The following TMEFF1 variants were observed in gnomAD, a reference collection of about 807,000 sequenced individuals.
TMEFF1 encodes transmembrane protein with EGF like and two follistatin like domains 1, also known as tomoregulin-1.
TMEFF1 carries 20 observed loss-of-function variants against 47.5 expected under a neutral mutation model. That is an observed-to-expected ratio of 0.42 (90% CI 0.30 to 0.61). The LOEUF is 0.61. Among genes scored for constraint, TMEFF1 ranks in the 20% least tolerant of loss-of-function variants. TMEFF1 has a pLI of 0.19. For missense variants in TMEFF1, 411 were observed against 471.1 expected (o/e 0.87, Z 1.18); for synonymous variants, 162 against 166.3 (o/e 0.97, Z 0.20).
intron 5 of TMEFF1, 90 bp downstream of exon 5, chr9:100,516,861 G>A (rs1382021518): frequency 6.9e-7 from 1 of 1,445,818 alleles, no homozygotes; most frequent in Non-Finnish European, 9.1e-7. Flanking sequence ...ACCTGGTTCT[G>A]TATCTTTTGT....
chr9:100,548,851 A>G (rs1018813907), intron 6 of TMEFF1, among the ~76,000 whole-genome samples: 4 of 152,164 alleles, frequency 2.6e-5, no homozygotes, highest in African/African-American at 9.7e-5. Context: ...GAGTGTGGGC[A>G]TGATAGAGGA....
At chr9:100,528,290 T>G (rs1249618259) in intron 5 of TMEFF1, among the ~76,000 whole-genome samples, 1 of 150,574 alleles carries the variant, frequency 6.6e-6, no homozygotes, top group Non-Finnish European at 1.5e-5. Flanking sequence ...ATCAAATTAC[T>G]CTGAGCTACG....
intron 5 of TMEFF1, among the ~76,000 whole-genome samples, chr9:100,528,885 C>G (rs2118435854): frequency 7.0e-6 from 1 of 142,000 alleles, no homozygotes; most frequent in Middle Eastern, 3.6e-3. Context: ...AGACTAACAG[C>G]AGATCTCTCG....
At chr9:100,536,905 A>G (rs1255828439) in intron 5 of TMEFF1, among the ~76,000 whole-genome samples, 1 of 152,220 alleles carries the variant, frequency 6.6e-6, no homozygotes, top group Non-Finnish European at 1.5e-5. Context: ...GTTTCTTAGA[A>G]TATGACATAT....
intron 5 of TMEFF1, among the ~76,000 whole-genome samples, chr9:100,523,589 G>A (rs1393651979): frequency 6.6e-6 from 1 of 152,182 alleles, no homozygotes; most frequent in Non-Finnish European, 1.5e-5. Flanking sequence ...AAAGACTAGC[G>A]TTGAATTTGT....
At chr9:100,534,119 C>T (rs545196618) in intron 5 of TMEFF1, among the ~76,000 whole-genome samples, 1 of 152,064 alleles carries the variant, frequency 6.6e-6, no homozygotes, top group South Asian at 2.1e-4. Flanking sequence ...CAGGAGTGTC[C>T]CTAGTGTGTT....
intron 8 of TMEFF1, among the ~76,000 whole-genome samples, chr9:100,569,341 A>T (rs972525115): frequency 2.0e-5 from 3 of 152,090 alleles, no homozygotes; most frequent in Non-Finnish European, 4.4e-5. Context: ...GGCTATTTGT[A>T]TATCTTCTCT....
chr9:100,496,203 T>A (rs1190146328), intron 1 of TMEFF1, among the ~76,000 whole-genome samples: 1 of 152,208 alleles, frequency 6.6e-6, no homozygotes, highest in African/African-American at 2.4e-5. Flanking sequence ...TAGAAGGGAC[T>A]GTGCTCAGGA....
intron 2 of TMEFF1, among the ~76,000 whole-genome samples, chr9:100,499,646 T>C (rs1837721828): frequency 6.6e-6 from 1 of 152,164 alleles, no homozygotes; most frequent in Non-Finnish European, 1.5e-5. Flanking sequence ...GGAGAGTTAG[T>C]ATTTCTGGTA....
chr9:100,482,635 C>G (rs1289264110), intron 1 of TMEFF1, among the ~76,000 whole-genome samples: 1 of 152,190 alleles, frequency 6.6e-6, no homozygotes, highest in East Asian at 1.9e-4. Context: ...TTTTATTGAT[C>G]TTTTTCTGCC....
At chr9:100,503,398 G>A (rs985764278) in intron 2 of TMEFF1, among the ~76,000 whole-genome samples, 1 of 151,588 alleles carries the variant, frequency 6.6e-6, no homozygotes, top group Non-Finnish European at 1.5e-5. Flanking sequence ...TTTTTTTCCT[G>A]TTTTCTTTCT....
chr9:100,557,296 C>T (rs1017791800), intron 7 of TMEFF1, among the ~76,000 whole-genome samples: 2 of 151,890 alleles, frequency 1.3e-5, no homozygotes, highest in Admixed American at 6.6e-5. Flanking sequence ...ACTCCCCATT[C>T]GCTTAACCAC....
At chr9:100,527,843 C>T (rs1440688936) in intron 5 of TMEFF1, among the ~76,000 whole-genome samples, 2 of 152,254 alleles carry the variant, frequency 1.3e-5, no homozygotes, top group African/African-American at 4.8e-5. Context: ...ATGTCCCCGT[C>T]TGACAGCTTT....
intron 7 of TMEFF1, among the ~76,000 whole-genome samples, chr9:100,555,212 G>A (rs999813632): frequency 2.0e-5 from 3 of 151,780 alleles, no homozygotes; most frequent in African/African-American, 7.3e-5. Flanking sequence ...CATTGTTGCA[G>A]TTGCAACAGA....
chr9:100,519,371 G>A (rs1288937220), intron 5 of TMEFF1, among the ~76,000 whole-genome samples: 1 of 151,956 alleles, frequency 6.6e-6, no homozygotes, highest in African/African-American at 2.4e-5. Context: ...TTGCGCCACT[G>A]TACTCCAGCC....
At chr9:100,480,756 C>T (rs1837324208) in intron 1 of TMEFF1, among the ~76,000 whole-genome samples, 1 of 152,158 alleles carries the variant, frequency 6.6e-6, no homozygotes, top group Non-Finnish European at 1.5e-5. Flanking sequence ...GTATTTAAGA[C>T]TAAAATGGCT....
intron 7 of TMEFF1, among the ~76,000 whole-genome samples, chr9:100,555,707 G>A (rs922437970): frequency 3.3e-5 from 5 of 152,124 alleles, no homozygotes; most frequent in African/African-American, 1.2e-4. Context: ...TTCATGTTGA[G>A]TAACCTGGCT....
intron 2 of TMEFF1, among the ~76,000 whole-genome samples, chr9:100,504,859 C>A (rs530149964): frequency 1.3e-5 from 2 of 152,164 alleles, no homozygotes; most frequent in Non-Finnish European, 2.9e-5. Context: ...TGTGAAGATT[C>A]TCAGCCCTAT....
At chr9:100,510,370 C>G (rs1431669041) in intron 3 of TMEFF1, among the ~76,000 whole-genome samples, 2 of 152,174 alleles carry the variant, frequency 1.3e-5, no homozygotes, top group East Asian at 3.8e-4. Context: ...ATTTTTCTTT[C>G]CCAGTGGAGG....
Sources: gnomAD v4.1 joint callset for allele counts (sites outside exome capture counted in the v4.1 genomes callset) on GRCh38, gnomAD v4.1.1 for gene constraint, MANE v1.5 for transcripts, NCBI Gene and HGNC (gene_info 2026-07-23, HGNC 2026-07-21) for gene names.